DIAPH2: variants seen among roughly 807,000 people sequenced by gnomAD.
The protein encoded by DIAPH2 is diaphanous related formin 2, also known as protein diaphanous homolog 2.
DIAPH2 carries 35 observed loss-of-function variants against 92.7 expected under a neutral mutation model. That is an observed-to-expected ratio of 0.38 (90% CI 0.29 to 0.50). The LOEUF is 0.50. DIAPH2 is among the 20% of genes least tolerant of loss of function. The probability of loss-of-function intolerance (pLI) is 0.94; values close to 1 mark genes in which losing one functional copy is unlikely to be tolerated. For synonymous variants in DIAPH2, 301 were observed against 280.4 expected (o/e 1.07, Z -0.73); for missense variants, 701 against 819.5 (o/e 0.86, Z 1.77).
intron 26 of DIAPH2, among the ~76,000 whole-genome samples, chrX:97,440,801 T>C (rs2070249020): frequency 9.2e-6 from 1 of 109,002 alleles, no homozygotes; most frequent in South Asian, 4.0e-4. Context: ...ACATAGAGTG[T>C]GGAATAATAG....
chrX:97,035,289 G>T (rs2066402963), intron 17 of DIAPH2, among the ~76,000 whole-genome samples: 1 of 111,963 alleles, frequency 8.9e-6, no homozygotes, highest in South Asian at 3.7e-4. Context: ...TATTGGGAAT[G>T]ATTTTTGCAT....
At chrX:97,337,662 T>TA (rs1484360199) in intron 23 of DIAPH2, among the ~76,000 whole-genome samples, 3 of 110,912 alleles carry the variant, frequency 2.7e-5, no homozygotes, top group Non-Finnish European at 5.7e-5. Context: ...TACATGGACG[T>TA]AACCCCACAT....
chrX:97,277,290 A>C (rs1218095523), intron 23 of DIAPH2, among the ~76,000 whole-genome samples: 1 of 111,530 alleles, frequency 9.0e-6, no homozygotes, highest in African/African-American at 3.3e-5. Context: ...GTGAGCAGAG[A>C]TTGCGCCACT....
chrX:96,927,860 T>C (rs867412155), intron 9 of DIAPH2, among the ~76,000 whole-genome samples: 1 of 111,147 alleles, frequency 9.0e-6, no homozygotes, highest in African/African-American at 3.3e-5. Context: ...CCAAGAACCA[T>C]TTTCTACTTT....
At chrX:97,391,399 T>C (rs1369970457) in intron 25 of DIAPH2, among the ~76,000 whole-genome samples, 1 of 111,665 alleles carries the variant, frequency 9.0e-6, no homozygotes, top group Non-Finnish European at 1.9e-5. Flanking sequence ...AATTAGAACA[T>C]TGTAATCTTC....
At chrX:96,735,499 G>A (rs1012507005) in intron 1 of DIAPH2, among the ~76,000 whole-genome samples, 2 of 111,171 alleles carry the variant, frequency 1.8e-5, no homozygotes, top group South Asian at 3.8e-4. Context: ...TGGTAGTGAC[G>A]TCTGATTTAG....
intron 26 of DIAPH2, among the ~76,000 whole-genome samples, chrX:97,504,537 T>C (rs2070819874): frequency 8.9e-6 from 1 of 112,229 alleles, no homozygotes; most frequent in Non-Finnish European, 1.9e-5. Flanking sequence ...AAATGCCCTT[T>C]TCATGTAAGT....
At chrX:96,919,751 C>A (rs925673109) in intron 9 of DIAPH2, among the ~76,000 whole-genome samples, 1 of 111,290 alleles carries the variant, frequency 9.0e-6, no homozygotes, top group African/African-American at 3.3e-5. Context: ...TGTAATGTTA[C>A]AAAATTGTAA....
chrX:97,113,342 C>T (rs2066995765), intron 20 of DIAPH2, among the ~76,000 whole-genome samples: 1 of 111,575 alleles, frequency 9.0e-6, no homozygotes, highest in Non-Finnish European at 1.9e-5. Flanking sequence ...ATATTGTAAG[C>T]TTTTTGTGAA....
At chrX:97,107,426 T>C (rs1227475061) in intron 20 of DIAPH2, among the ~76,000 whole-genome samples, 1 of 112,162 alleles carries the variant, frequency 8.9e-6, no homozygotes, top group Non-Finnish European at 1.9e-5. Context: ...TGATTATTTT[T>C]TCCAGGCCTG....
chrX:97,343,709 G>A (rs376247585), intron 23 of DIAPH2, among the ~76,000 whole-genome samples: 3,750 of 94,405 alleles, frequency 0.04, 171 homozygotes, highest in African/African-American at 0.14. Context: ...AAAAAAAAAA[G>A]AAAGAAAGAA....
At chrX:97,596,364 CA>C (rs1322762767) in intron 26 of DIAPH2, among the ~76,000 whole-genome samples, 1 of 111,886 alleles carries the variant, frequency 8.9e-6, no homozygotes, top group Non-Finnish European at 1.9e-5. Flanking sequence ...CTTTGATTTC[CA>C]AAAAGATAAC....
chrX:97,364,073 C>G (rs979979097), intron 24 of DIAPH2, among the ~76,000 whole-genome samples: 1 of 111,827 alleles, frequency 8.9e-6, no homozygotes. Context: ...CTGTCAAGAA[C>G]TTCTTGCAAC....
At chrX:97,478,196 T>C (rs2070624986) in intron 26 of DIAPH2, among the ~76,000 whole-genome samples, 1 of 112,161 alleles carries the variant, frequency 8.9e-6, no homozygotes, top group Non-Finnish European at 1.9e-5. Flanking sequence ...AAGCATGATA[T>C]GCATACACTT....
At chrX:97,196,665 G>C (rs1268911794) in intron 22 of DIAPH2, among the ~76,000 whole-genome samples, 23 of 111,940 alleles carry the variant, frequency 2.1e-4, no homozygotes, top group African/African-American at 6.5e-4. Context: ...AAATGAGCCA[G>C]GTATCACTGT....
At position 97,068,124 on chromosome X, in the gene DIAPH2, T is replaced by C. The variant is rs746919716; in HGVS notation, c.2051-4817T>C. On this transcript the variant is annotated intron_variant, in intron 17 of 26. Coordinates refer to ENST00000324765, the MANE Select transcript of DIAPH2 (RefSeq NM_006729.5). ...TTAAAAAATTTTTCAATTTGATGAC[T>C]GTTAATGGTATTTCTTCAGTTATTT... Among the ~76,000 whole-genome samples, 14 of 112,113 alleles carry C rather than the reference T, an allele frequency of 1.2e-4. No individual in the cohort carries two copies. In the South Asian group the frequency reaches 5.2e-3, roughly 42 times the overall value.
intron 26 of DIAPH2, among the ~76,000 whole-genome samples, chrX:97,449,466 G>T (rs2147792561): frequency 8.9e-6 from 1 of 111,775 alleles, no homozygotes; most frequent in East Asian, 2.8e-4. Flanking sequence ...TATGATTTTT[G>T]TATTAAAGTA....
At chrX:97,237,246 A>G (rs2068055341) in intron 22 of DIAPH2, among the ~76,000 whole-genome samples, 1 of 112,137 alleles carries the variant, frequency 8.9e-6, no homozygotes, top group African/African-American at 3.2e-5. Context: ...GCCTCCTTTG[A>G]CAACCTACAC....
At chrX:97,580,795 A>G (rs1281848821) in intron 26 of DIAPH2, among the ~76,000 whole-genome samples, 5 of 110,144 alleles carry the variant, frequency 4.5e-5, no homozygotes, top group Admixed American at 2.9e-4. Context: ...AATCCATCTG[A>G]TCCTGGACTC....
Sources: allele counts gnomAD v4.1 joint callset (sites outside exome capture counted in the v4.1 genomes callset), GRCh38; gene constraint gnomAD v4.1.1; transcripts MANE v1.5; gene names NCBI Gene and HGNC (gene_info 2026-07-23, HGNC 2026-07-21).